TBC1D32: variants seen among roughly 807,000 people sequenced by gnomAD.
TBC1D32 encodes protein broad-minded.
A neutral mutation model predicts 170.3 loss-of-function variants in TBC1D32; 151 were observed. That is an observed-to-expected ratio of 0.89 (90% CI 0.78 to 1.01). The LOEUF is 1.01. Among genes scored for constraint, TBC1D32 ranks in the 50% least tolerant of loss-of-function variants. The pLI is 0.00. For missense variants in TBC1D32, 1,464 were observed against 1,457.1 expected (o/e 1.00, Z -0.08); for synonymous variants, 498 against 488.0 (o/e 1.02, Z -0.27).
At chr6:121,168,429 G>A (rs1171119810) in intron 22 of TBC1D32, among the ~76,000 whole-genome samples, 10 of 102,384 alleles carry the variant, frequency 9.8e-5, no homozygotes, top group African/African-American at 3.4e-4. Context: ...GGATGAAATT[G>A]GAAACCATCA....
intron 30 of TBC1D32, among the ~76,000 whole-genome samples, chr6:121,092,301 T>G (rs1041019429): frequency 1.3e-3 from 178 of 138,692 alleles, no homozygotes; most frequent in African/African-American, 4.6e-3. Flanking sequence ...ATGTTTTTTT[T>G]TTTTTTTTTT....
intron 26 of TBC1D32, 117 bp from the exon 27 acceptor site, chr6:121,115,358 C>T (rs1372392327): frequency 2.9e-5 from 19 of 661,578 alleles, no homozygotes; most frequent in Non-Finnish European, 4.2e-5. Flanking sequence ...ATTTTGAAAA[C>T]ACTGATGAAT....
chr6:121,130,869 T>C (rs977897802), intron 25 of TBC1D32, among the ~76,000 whole-genome samples: 2 of 152,160 alleles, frequency 1.3e-5, no homozygotes, highest in Non-Finnish European at 2.9e-5. Context: ...GGATAAAACA[T>C]AGTTTAACTG....
intron 27 of TBC1D32, 117 bp from the exon 28 acceptor site, chr6:121,113,294 TA>T (rs1562522382): frequency 2.6e-5 from 15 of 582,516 alleles, no homozygotes; most frequent in Admixed American, 6.3e-5. Flanking sequence ...TAGCTCTCAA[TA>T]CATGTTTCTG....
chr6:121,180,433 G>A (rs920875781), intron 22 of TBC1D32, among the ~76,000 whole-genome samples: 2 of 151,844 alleles, frequency 1.3e-5, no homozygotes, highest in African/African-American at 4.8e-5. Flanking sequence ...GAAGAACCCA[G>A]AAATAAATCT....
intron 20 of TBC1D32, among the ~76,000 whole-genome samples, chr6:121,238,109 CAG>C (rs1008056760): frequency 3.0e-4 from 46 of 152,198 alleles, no homozygotes; most frequent in African/African-American, 9.9e-4. Context: ...AGTATATACA[CAG>C]AGTTTGGAGT....
chr6:121,289,681 G>A (rs186481230), intron 12 of TBC1D32, among the ~76,000 whole-genome samples: 1,584 of 152,150 alleles, frequency 0.01, 10 homozygotes, highest in Admixed American at 0.016. Flanking sequence ...AAAAGAGCCC[G>A]CATTGCCAAG....
intron 22 of TBC1D32, among the ~76,000 whole-genome samples, chr6:121,200,346 C>A (rs1431121753): frequency 6.6e-6 from 1 of 151,108 alleles, no homozygotes; most frequent in African/African-American, 2.5e-5. Context: ...TTAATGTGGT[C>A]AGTTTGATAT....
intron 15 of TBC1D32, among the ~76,000 whole-genome samples, chr6:121,270,160 G>A (rs1025703813): frequency 2.0e-5 from 3 of 151,942 alleles, no homozygotes; most frequent in Non-Finnish European, 2.9e-5. Flanking sequence ...AGAGAAAGCA[G>A]GAAAGATTTA....
intron 26 of TBC1D32, among the ~76,000 whole-genome samples, chr6:121,121,840 T>TA (rs1227630696): frequency 1.3e-5 from 2 of 151,982 alleles, no homozygotes; most frequent in Non-Finnish European, 2.9e-5. Context: ...TGAGAAGAAT[T>TA]AGACACTAAG....
At chr6:121,169,099 T>C (rs901818861) in intron 22 of TBC1D32, among the ~76,000 whole-genome samples, 3 of 152,022 alleles carry the variant, frequency 2.0e-5, no homozygotes, top group Non-Finnish European at 2.9e-5. Context: ...AAAAAAGACC[T>C]CAAATAGCCA....
At chr6:121,111,783 T>C (rs770332368) in intron 29 of TBC1D32, among the ~76,000 whole-genome samples, 1 of 152,170 alleles carries the variant, frequency 6.6e-6, no homozygotes, top group Non-Finnish European at 1.5e-5. Flanking sequence ...TATTTTCATC[T>C]CCACATAGAT....
rs192378629 is a variant in TBC1D32, at chr6:121,330,951, T to C, written c.155+3325A>G. 4.6e-5 allele frequency among the ~76,000 whole-genome samples: 7 copies of C among 152,262 alleles called. No individual in the cohort carries two copies. The East Asian group carries it at 7.7e-4, about 17-fold the overall frequency. ...GAAAGGCAGGAGAGCTTGGATCTTT[T>C]AGAGAGTGTATACAGTTTACTGTAG... On this transcript the variant is annotated intron_variant, in intron 1 of 31. Transcript: ENST00000398212.
In TBC1D32 at chr6:121,160,672, A is replaced by G. The variant is rs117744492; in HGVS notation, c.2679+276T>C. 3.7e-3 allele frequency among the ~76,000 whole-genome samples: 563 copies of G among 152,302 alleles called. 32 individuals carry two copies. In the East Asian group the frequency reaches 0.094, roughly 25 times the overall value. On this transcript the variant is annotated intron_variant, in intron 23 of 31. Coordinates refer to ENST00000398212, the MANE Select transcript of TBC1D32 (RefSeq NM_152730.6). Reference sequence around the variant, plus strand: ...AAGACATTGAAAGTAAAATATTCAAAGGCGCATAAGAAAAATAACTTTTTA... The same window carrying G: ...AAGACATTGAAAGTAAAATATTCAAGGGCGCATAAGAAAAATAACTTTTTA...
chr6:121,085,362 T>TAC (rs200567521), intron 31 of TBC1D32, among the ~76,000 whole-genome samples: 3,861 of 114,754 alleles, frequency 0.034, 43 homozygotes, highest in African/African-American at 0.07. Context: ...TATATATACA[T>TAC]ATATATATGT....
At chr6:121,096,708 T>C (rs1777457772) in intron 30 of TBC1D32, among the ~76,000 whole-genome samples, 1 of 152,162 alleles carries the variant, frequency 6.6e-6, no homozygotes, top group Non-Finnish European at 1.5e-5. Flanking sequence ...TTAAAGTTCA[T>C]ACGGAACCAA....
intron 25 of TBC1D32, among the ~76,000 whole-genome samples, chr6:121,130,936 T>G (rs895138525): frequency 6.6e-6 from 1 of 152,122 alleles, no homozygotes; most frequent in Non-Finnish European, 1.5e-5. Context: ...CATAAATATA[T>G]AACATTATTC....
chr6:121,301,920 G>A (rs750867486), intron 9 of TBC1D32, among the ~76,000 whole-genome samples: 8 of 151,958 alleles, frequency 5.3e-5, no homozygotes, highest in East Asian at 1.9e-4. Context: ...GTGACCCACC[G>A]CACCTGGCCG....
At chr6:121,223,582 A>C (rs1794758369) in intron 20 of TBC1D32, among the ~76,000 whole-genome samples, 1 of 152,164 alleles carries the variant, frequency 6.6e-6, no homozygotes, top group Non-Finnish European at 1.5e-5. Flanking sequence ...TACATACATG[A>C]AATTTGGAAT....
Sources: allele counts gnomAD v4.1 joint callset (sites outside exome capture counted in the v4.1 genomes callset), GRCh38; gene constraint gnomAD v4.1.1; transcripts MANE v1.5; gene names NCBI Gene and HGNC (gene_info 2026-07-23, HGNC 2026-07-21).